ZC3H12C: variants seen among roughly 807,000 people sequenced by gnomAD.
The protein encoded by ZC3H12C is zinc finger CCCH-type containing 12C.
ZC3H12C carries 20 observed loss-of-function variants against 76.3 expected under a neutral mutation model. The ratio of observed to expected loss-of-function variants is 0.26; its 90% CI spans 0.18 to 0.38. The LOEUF (loss-of-function observed/expected upper bound fraction) is 0.38. ZC3H12C is among the 10% of genes least tolerant of loss of function. The pLI is 1.00. For synonymous variants in ZC3H12C, 352 were observed against 399.6 expected, an observed-to-expected ratio of 0.88 and a Z score of 1.42; for missense variants, 874 against 1,086.5, an observed-to-expected ratio of 0.80 and a Z score of 2.75.
intron 3 of ZC3H12C, among the ~76,000 whole-genome samples, chr11:110,158,414 G>A (rs1862415929): frequency 6.6e-6 from 1 of 151,970 alleles, no homozygotes; most frequent in Non-Finnish European, 1.5e-5. Context: ...GAAGGCTGAG[G>A]CACAAGAATC....
intron 1 of ZC3H12C, among the ~76,000 whole-genome samples, chr11:110,132,117 C>T (rs1158939493): frequency 6.6e-6 from 1 of 152,146 alleles, no homozygotes; most frequent in African/African-American, 2.4e-5. Context: ...TGGATAACAA[C>T]CAGAACCCAC....
At chr11:110,113,131 A>C (rs560012024) in intron 1 of ZC3H12C, among the ~76,000 whole-genome samples, 1 of 152,266 alleles carries the variant, frequency 6.6e-6, no homozygotes, top group South Asian at 2.1e-4. Flanking sequence ...TCTCTAGCAC[A>C]TACTTATTTC....
At chr11:110,138,818 C>G (rs1380266323) in intron 2 of ZC3H12C, among the ~76,000 whole-genome samples, 5 of 152,176 alleles carry the variant, frequency 3.3e-5, no homozygotes, top group Non-Finnish European at 7.3e-5. Flanking sequence ...CTCGGCACCC[C>G]AAAGTGCTGG....
Position 110,153,814 on chromosome 11 carries a change from T to C in ZC3H12C, c.913+756T>C, listed in dbSNP as rs143518111. Among the ~76,000 whole-genome samples, 5 of 152,332 alleles carry C rather than the reference T, an allele frequency of 3.3e-5. 1 individual carries two copies. Among genetic ancestry groups the C allele is most frequent in the African/African-American group, 1.2e-4 (5 of 41,584 alleles). ...GACCATAAGATGTGCTTCAGTCCAG[T>C]AGAAAGAAATGTATTTTGCATTATT... On this transcript the variant is annotated intron_variant, in intron 3 of 5. Transcript: ENST00000278590.
At chr11:110,114,109 C>A (rs1189351334) in intron 1 of ZC3H12C, among the ~76,000 whole-genome samples, 10 of 152,208 alleles carry the variant, frequency 6.6e-5, no homozygotes, top group Non-Finnish European at 1.5e-5. Context: ...GACTGACTAG[C>A]CGCTTCTCCG....
intron 2 of ZC3H12C, among the ~76,000 whole-genome samples, chr11:110,144,561 G>C (rs1272928868): frequency 6.6e-6 from 1 of 152,098 alleles, no homozygotes; most frequent in Non-Finnish European, 1.5e-5. Flanking sequence ...TAGGTACTTT[G>C]TATCATTAGA....
intron 2 of ZC3H12C, among the ~76,000 whole-genome samples, chr11:110,149,829 C>G (rs540888609): frequency 6.6e-6 from 1 of 152,060 alleles, no homozygotes; most frequent in African/African-American, 2.4e-5. Context: ...AAGCTATGAC[C>G]TGTTTTTTTA....
intron 1 of ZC3H12C, 181 bp from the exon 2 acceptor site, chr11:110,136,482 G>A (rs1017218443): frequency 3.2e-6 from 2 of 616,460 alleles, no homozygotes; most frequent in Non-Finnish European, 5.4e-6. Flanking sequence ...TCTAATTTAT[G>A]ACTTCTTCAT....
intron 1 of ZC3H12C, among the ~76,000 whole-genome samples, chr11:110,118,518 C>CGGGCA (rs1555017865): frequency 2.6e-5 from 4 of 152,090 alleles, no homozygotes; most frequent in Non-Finnish European, 5.9e-5. Context: ...AAATACAAGC[C>CGGGCA]GGGCACGGTG....
At chr11:110,113,988 A>C (rs186603416) in intron 1 of ZC3H12C, among the ~76,000 whole-genome samples, 1 of 152,192 alleles carries the variant, frequency 6.6e-6, no homozygotes, top group Non-Finnish European at 1.5e-5. Flanking sequence ...CCTTGCTAAA[A>C]TGTGGGTAGA....
chr11:110,155,932 G>A (rs77241132), intron 3 of ZC3H12C, among the ~76,000 whole-genome samples: 1 of 145,272 alleles, frequency 6.9e-6, no homozygotes, highest in African/African-American at 2.5e-5. Flanking sequence ...ATTAAAAAAA[G>A]GAAAACAATA....
At chr11:110,157,944 C>T (rs1280695394) in intron 3 of ZC3H12C, among the ~76,000 whole-genome samples, 2 of 151,976 alleles carry the variant, frequency 1.3e-5, no homozygotes, top group Non-Finnish European at 2.9e-5. Context: ...AATAATCATC[C>T]GTTGCAGAGA....
intron 1 of ZC3H12C, among the ~76,000 whole-genome samples, chr11:110,101,704 C>A (rs560213001): frequency 6.6e-6 from 1 of 152,076 alleles, no homozygotes. Context: ...CGCGCCACCA[C>A]GTCCAGCTAA....
chr11:110,129,731 G>A (rs1288029662), intron 1 of ZC3H12C, among the ~76,000 whole-genome samples: 4 of 152,110 alleles, frequency 2.6e-5, no homozygotes, highest in Non-Finnish European at 4.4e-5. Flanking sequence ...TCTACATCAC[G>A]TAAGTAAATA....
rs1862578670 is a variant in ZC3H12C, at chr11:110,166,012, C to A, written c.*275C>A. ...TTCCAGTTTGATTTAATAGATGTAT[C>A]TGTGATCTTTGATATTAATCTTTGG... On this transcript the variant is annotated 3_prime_UTR_variant, in exon 6 of 6. Coordinates refer to ENST00000278590, the MANE Select transcript of ZC3H12C (RefSeq NM_033390.2). 1.1e-5 allele frequency: 4 copies of A among 367,036 alleles called. No individual in the cohort carries two copies. The highest frequency in any genetic ancestry group is 1.0e-4 in the East Asian group (2 of 19,518). 22.7% of individuals were successfully genotyped at this position (367,036 alleles called of 1,614,324 possible). A position where few individuals can be genotyped will look rare whatever the true frequency, so the allele number is the denominator to read the frequency against.
intron 1 of ZC3H12C, among the ~76,000 whole-genome samples, chr11:110,125,322 G>T (rs984551773): frequency 4.6e-5 from 5 of 109,758 alleles, no homozygotes; most frequent in Non-Finnish European, 9.6e-5. Flanking sequence ...TGTGTGTGTG[G>T]TTTTTTTTGT....
intron 1 of ZC3H12C, among the ~76,000 whole-genome samples, chr11:110,121,055 C>T (rs939846924): frequency 6.6e-6 from 1 of 152,116 alleles, no homozygotes; most frequent in African/African-American, 2.4e-5. Flanking sequence ...TGCCTCTGGC[C>T]AGGCTTCATC....
rs1023060335 is a variant in ZC3H12C, at chr11:110,166,123, C to G, written c.*386C>G. The G allele has an allele frequency of 5.8e-6, 1 of 171,990 alleles. No homozygotes were observed. The highest frequency in any genetic ancestry group is 2.4e-5 in the African/African-American group (1 of 41,730). 10.7% of individuals were successfully genotyped at this position (171,990 alleles called of 1,614,324 possible). On this transcript the variant is annotated 3_prime_UTR_variant, in exon 6 of 6. Transcript: ENST00000278590. ...TTTGTCTATCAATTGCAAGCAATTA[C>G]AATACCTTCAGAATGTGGGACATTT...
chr11:110,106,859 C>T (rs1437640003), intron 1 of ZC3H12C, among the ~76,000 whole-genome samples: 1 of 152,168 alleles, frequency 6.6e-6, no homozygotes, highest in Non-Finnish European at 1.5e-5. Flanking sequence ...ATAATAATGA[C>T]CCAATACTAT....
Sources: gnomAD v4.1 joint callset for allele counts (sites outside exome capture counted in the v4.1 genomes callset) on GRCh38, gnomAD v4.1.1 for gene constraint, MANE v1.5 for transcripts, NCBI Gene and HGNC (gene_info 2026-07-23, HGNC 2026-07-21) for gene names.